SYN2: variants seen among roughly 807,000 people sequenced by gnomAD.
SYN2 encodes the protein synapsin II.
SYN2 carries 19 observed loss-of-function variants against 50.9 expected under a neutral mutation model. The ratio of observed to expected loss-of-function variants is 0.37; its 90% CI spans 0.26 to 0.55. The LOEUF (loss-of-function observed/expected upper bound fraction) is 0.55. Ranked by LOEUF, SYN2 falls within the 20% of genes least tolerant of loss-of-function variation. The probability of loss-of-function intolerance (pLI) is 0.81; values close to 1 mark genes in which losing one functional copy is unlikely to be tolerated. For missense variants in SYN2, 587 were observed against 576.4 expected, an observed-to-expected ratio of 1.02 and a Z score of -0.19; for synonymous variants, 255 against 224.9, an observed-to-expected ratio of 1.13 and a Z score of -1.20.
chr3:12,035,453 G>A (rs1694478179), intron 1 of SYN2, among the ~76,000 whole-genome samples: 1 of 152,220 alleles, frequency 6.6e-6, no homozygotes, highest in Non-Finnish European at 1.5e-5. Context: ...GATTTGCAGC[G>A]AGAGAAGGTG....
At chr3:12,018,224 G>A (rs759794537) in intron 1 of SYN2, among the ~76,000 whole-genome samples, 4 of 152,136 alleles carry the variant, frequency 2.6e-5, no homozygotes, top group East Asian at 1.9e-4. Flanking sequence ...TGAAAGATGA[G>A]TGGGATTTAG....
rs373670984 is a variant in SYN2 at position 12,180,959 on chromosome 3, A to G, written c.1309-2353A>G. ...TTTCTTGGAATCATAGTTTCACTGG[A>G]TTGGAAGGAACCTTAGCATTCATCC... On this transcript the variant is annotated intron_variant, in intron 10 of 12. Coordinates refer to ENST00000621198, the MANE Select transcript of SYN2 (RefSeq NM_133625.6). Among the ~76,000 whole-genome samples, 6 of 152,288 alleles carry G rather than the reference A, an allele frequency of 3.9e-5. No homozygotes were observed. The East Asian group carries it at 9.7e-4, about 25-fold the overall frequency.
intron 1 of SYN2, among the ~76,000 whole-genome samples, chr3:12,024,113 C>T (rs1249130072): frequency 1.3e-5 from 2 of 150,492 alleles, no homozygotes; most frequent in Admixed American, 6.6e-5. Context: ...TGCAACATTA[C>T]CAGCGCCTGC....
intron 1 of SYN2, among the ~76,000 whole-genome samples, chr3:12,124,116 G>A (rs923869608): frequency 2.0e-5 from 3 of 152,172 alleles, no homozygotes; most frequent in Non-Finnish European, 4.4e-5. Flanking sequence ...CCAAAAGGAA[G>A]TAGTGACGTG....
chr3:12,070,955 A>G (rs761106942), intron 1 of SYN2: 8 of 550,044 alleles, frequency 1.5e-5, no homozygotes, highest in African/African-American at 7.6e-5. Context: ...GAGAAGAGCT[A>G]GGAGCTGCCT....
chr3:12,043,095 T>G (rs1358676026), intron 1 of SYN2, among the ~76,000 whole-genome samples: 2 of 151,252 alleles, frequency 1.3e-5, no homozygotes, highest in Non-Finnish European at 2.9e-5. Flanking sequence ...TGATCACAGC[T>G]CATTGCAGCC....
In SYN2 at chr3:12,169,885, C is replaced by T. The variant is rs779857524; in HGVS notation, c.1287C>T (p.Pro429=). 1.2e-5 allele frequency: 20 copies of T among 1,610,730 alleles called. No homozygotes were observed. The African/African-American group carries it at 2.4e-4, about 19-fold the overall frequency. Residue 429 remains proline, a synonymous_variant, in exon 10 of 13, where the codon CCC becomes CCT. Transcript: ENST00000621198. ...SRTPALSPQR[P]LTTQQPQSGT... ...CTCCTGCCCTGTCTCCTCAGAGACC[C>T]CTAACAACCCAGCAGCCACAGGTAA...
rs956360746 is a variant in SYN2 at position 12,095,345 on chromosome 3, A to G, written c.378-45306A>G. ...GGATCACAAGGTCAGGAGATCATCG[A>G]GACCATCCTGGCTAACACAGTGAAA... On this transcript the variant is annotated intron_variant, in intron 1 of 12. Coordinates refer to ENST00000621198, the MANE Select transcript of SYN2 (RefSeq NM_133625.6). Among the ~76,000 whole-genome samples, 4 of 146,010 alleles carry G rather than the reference A, an allele frequency of 2.7e-5. 1 individual carries two copies. The Admixed American group carries it at 2.8e-4, about 10-fold the overall frequency.
chr3:12,087,701 T>C (rs1295176189), intron 1 of SYN2, among the ~76,000 whole-genome samples: 1 of 152,000 alleles, frequency 6.6e-6, no homozygotes, highest in South Asian at 2.1e-4. Context: ...TGCAGTGAGC[T>C]GTGTTCATGC....
At chr3:12,027,277 G>A (rs1255760236) in intron 1 of SYN2, among the ~76,000 whole-genome samples, 1 of 152,162 alleles carries the variant, frequency 6.6e-6, no homozygotes, top group Non-Finnish European at 1.5e-5. Context: ...GGTAATTGGA[G>A]CAGCGTGCCT....
At chr3:12,185,860 C>G (rs996970810) in intron 11 of SYN2, 1 of 771,700 alleles carries the variant, frequency 1.3e-6, no homozygotes, top group Non-Finnish European at 1.6e-6. Context: ...GCAAATGATG[C>G]CAAACTTTGG....
Position 12,184,933 on chromosome 3 carries a change from T to A in SYN2, c.1369+1561T>A, listed in dbSNP as rs1366606747. ...TTTACATTCCCTTCCACCTCTATAC[T>A]GTCATGTCACCGTTCTGAACTCCCA... On this transcript the variant is annotated intron_variant, in intron 11 of 12. Transcript: ENST00000621198. 3 of 985,550 alleles carry A rather than the reference T, an allele frequency of 3.0e-6. No homozygotes were observed. The African/African-American group carries it at 5.2e-5, about 17-fold the overall frequency. 61.1% of individuals were successfully genotyped at this position (985,550 alleles called of 1,614,324 possible).
intron 1 of SYN2, among the ~76,000 whole-genome samples, chr3:12,017,663 A>T (rs1326657483): frequency 6.6e-6 from 1 of 152,236 alleles, no homozygotes; most frequent in Non-Finnish European, 1.5e-5. Flanking sequence ...TATGATTGAC[A>T]CTTGACAGAT....
intron 12 of SYN2, among the ~76,000 whole-genome samples, chr3:12,189,712 A>C (rs766590016): frequency 4.6e-5 from 7 of 152,192 alleles, no homozygotes; most frequent in Non-Finnish European, 1.0e-4. Flanking sequence ...CTGAGGCAGT[A>C]GAATCGCTTG....
intron 1 of SYN2, among the ~76,000 whole-genome samples, chr3:12,099,035 G>A (rs981470869): frequency 9.9e-5 from 15 of 151,780 alleles, no homozygotes; most frequent in African/African-American, 3.1e-4. Flanking sequence ...GATCATATAC[G>A]CACCTAATAA....
chr3:12,025,361 A>G (rs1373639026), intron 1 of SYN2, among the ~76,000 whole-genome samples: 1 of 152,222 alleles, frequency 6.6e-6, no homozygotes, highest in South Asian at 2.1e-4. Flanking sequence ...AGGAAACTTG[A>G]CTAGAGAAGG....
intron 1 of SYN2, among the ~76,000 whole-genome samples, chr3:12,129,539 G>A (rs771699543): frequency 2.0e-5 from 3 of 152,116 alleles, no homozygotes; most frequent in Non-Finnish European, 4.4e-5. Flanking sequence ...AAATGAGAAG[G>A]CATAAAGAAT....
At chr3:12,034,354 G>A (rs971964131) in intron 1 of SYN2, among the ~76,000 whole-genome samples, 4 of 152,130 alleles carry the variant, frequency 2.6e-5, no homozygotes, top group African/African-American at 9.7e-5. Flanking sequence ...AAATGTCTAT[G>A]CAATTCCTTT....
intron 1 of SYN2, among the ~76,000 whole-genome samples, chr3:12,008,733 G>A (rs1034506409): frequency 6.6e-6 from 1 of 152,194 alleles, no homozygotes; most frequent in Non-Finnish European, 1.5e-5. Flanking sequence ...CAGAAGTTTA[G>A]AAGAGTTAAG....
Sources: gnomAD v4.1 joint callset for allele counts (sites outside exome capture counted in the v4.1 genomes callset) on GRCh38, gnomAD v4.1.1 for gene constraint, MANE v1.5 for transcripts, NCBI Gene and HGNC (gene_info 2026-07-23, HGNC 2026-07-21) for gene names.